The following EP300 variants were observed in gnomAD, a reference collection of about 807,000 sequenced individuals.
The protein encoded by EP300 is histone acetyltransferase p300.
A neutral mutation model predicts 264.0 loss-of-function variants in EP300; 31 were observed. The ratio of observed to expected loss-of-function variants is 0.12; its 90% CI spans 0.09 to 0.16. EP300 has a LOEUF of 0.16. EP300 is among the 10% of genes least tolerant of loss of function. EP300 has a pLI of 1.00. For missense variants in EP300, 2,766 were observed against 3,052.9 expected (o/e 0.91, Z 2.21); for synonymous variants, 1,340 against 1,045.4 (o/e 1.28, Z -5.44).
At chr22:41,148,982 T>C (rs1170806563) in intron 12 of EP300, 56 bp from the exon 13 acceptor site, 118 of 1,611,702 alleles carry the variant, frequency 7.3e-5, no homozygotes, top group East Asian at 3.6e-4. Flanking sequence ...ATTTTAGTTA[T>C]AGTAGAATAA....
At chr22:41,097,439 T>C (rs1229698287) in intron 1 of EP300, among the ~76,000 whole-genome samples, 2 of 150,884 alleles carry the variant, frequency 1.3e-5, no homozygotes, top group African/African-American at 2.5e-5. Context: ...TTCTCTCTCT[T>C]CTTTATTTAA....
chr22:41,167,451 A>G (rs1002076995), intron 23 of EP300, among the ~76,000 whole-genome samples: 12 of 151,692 alleles, frequency 7.9e-5, no homozygotes, highest in Admixed American at 7.9e-4. Context: ...TTACTGATCT[A>G]CAGATTATTT....
rs564142589 is a variant in EP300 at position 41,131,368 on chromosome 22, A to AT, written c.1283-19dup. On this transcript the variant is annotated intron_variant, in intron 5 of 30. Transcript: ENST00000263253. The stretch of plus-strand genomic sequence containing the variant: ...CTCACCAGCATTAATTTGTAATACT[A>AT]TATCTTTTGTCTTCTCTAGCAATTT... 3.0e-4 allele frequency: 477 copies of AT among 1,612,356 alleles called. No homozygotes were observed. The African/African-American group carries it at 5.7e-3, about 19-fold the overall frequency.
intron 1 of EP300, among the ~76,000 whole-genome samples, 186 bp from the exon 2 acceptor site, chr22:41,117,001 G>GT: frequency 6.6e-6 from 1 of 152,168 alleles, no homozygotes. Context: ...AGAGGTTACA[G>GT]TAAGCCAAGA....
intron 1 of EP300, among the ~76,000 whole-genome samples, chr22:41,114,236 C>T (rs1428461557): frequency 1.3e-5 from 2 of 152,072 alleles, no homozygotes; most frequent in African/African-American, 4.8e-5. Context: ...GGCTAGAGTG[C>T]AGTGGTACAT....
intron 2 of EP300, among the ~76,000 whole-genome samples, chr22:41,118,693 T>A (rs2058834697): frequency 6.6e-6 from 1 of 152,048 alleles, no homozygotes; most frequent in Non-Finnish European, 1.5e-5. Context: ...CAGTGGCTCA[T>A]GCCTGTAATC....
At chr22:41,093,855 G>C (rs1398925914) in intron 1 of EP300, among the ~76,000 whole-genome samples, 1 of 152,166 alleles carries the variant, frequency 6.6e-6, no homozygotes, top group Non-Finnish European at 1.5e-5. Flanking sequence ...CAATTTTGTG[G>C]AGTTACGTAC....
In EP300 at chr22:41,097,329, A is replaced by G. The variant is rs78802773; in HGVS notation, c.94+4231A>G. ...GTTCATCTTCTATAGCAGAGGTTGG[A>G]ATTGTATTGGCATGTCCAGTGAATG... On this transcript the variant is annotated intron_variant, in intron 1 of 30. Coordinates refer to ENST00000263253, the MANE Select transcript of EP300 (RefSeq NM_001429.4). 5.9e-3 allele frequency among the ~76,000 whole-genome samples: 901 copies of G among 152,266 alleles called. 2 individuals are homozygous for G. Among genetic ancestry groups the G allele is most frequent in the Non-Finnish European group, 8.4e-3 (573 of 68,028 alleles).
At chr22:41,137,617 TC>T in intron 7 of EP300, 35 bp from the exon 8 acceptor site, 1 of 1,614,042 alleles carries the variant, frequency 6.2e-7, no homozygotes, top group Non-Finnish European at 8.5e-7. Context: ...CTCCTACCTT[TC>T]TTCACTAAAA....
intron 1 of EP300, among the ~76,000 whole-genome samples, chr22:41,111,874 ACCTT>A (rs2058792643): frequency 2.0e-5 from 2 of 99,198 alleles, no homozygotes; most frequent in African/African-American, 7.6e-5. Context: ...AGAACTTGTA[ACCTT>A]TTTTTTTTTT....
intron 10 of EP300, 47 bp downstream of exon 10, chr22:41,141,269 AAT>A: frequency 6.3e-7 from 1 of 1,578,164 alleles, no homozygotes. Flanking sequence ...TTGATAATAA[AAT>A]AGTTTCTATC....
At chr22:41,120,602 C>G (rs2058846878) in intron 2 of EP300, among the ~76,000 whole-genome samples, 1 of 152,196 alleles carries the variant, frequency 6.6e-6, no homozygotes. Context: ...GACATTACTA[C>G]TACAGCTGTC....
At position 41,092,602 on chromosome 22, in the gene EP300, A is replaced by G. The variant is rs952862042; in HGVS notation, c.-403A>G. On this transcript the variant is annotated 5_prime_UTR_variant, in exon 1 of 31. Coordinates refer to ENST00000263253, the MANE Select transcript of EP300 (RefSeq NM_001429.4). ...CCTCCTTGTGGCGATGAGAAGGAGG[A>G]GGACAGCGCCGAGGAGGAAGAGGTT... The G allele has an allele frequency of 1.5e-5, 9 of 584,154 alleles. No homozygotes were observed. The highest frequency in any genetic ancestry group is 2.8e-5 in the East Asian group (1 of 35,558). The allele number at this position is 584,154 out of a possible 1,614,324, so 36.2% of individuals were successfully genotyped here. A position where few individuals can be genotyped will look rare whatever the true frequency, so the allele number is the denominator to read the frequency against.
chr22:41,161,413 C>T (rs1036359879), intron 20 of EP300, among the ~76,000 whole-genome samples: 2 of 152,096 alleles, frequency 1.3e-5, no homozygotes, highest in African/African-American at 4.8e-5. Flanking sequence ...GTCAGGAGAT[C>T]GAGACCATCC....
chr22:41,104,937 G>A (rs934208056), intron 1 of EP300, among the ~76,000 whole-genome samples: 2 of 151,920 alleles, frequency 1.3e-5, no homozygotes, highest in Admixed American at 6.6e-5. Flanking sequence ...GGCCAAGACG[G>A]GCAGATCACG....
In EP300 at chr22:41,152,018, A is replaced by C; in HGVS notation, c.2997+6A>C. On this transcript the variant is annotated splice_donor_region_variant and intron_variant, in intron 15 of 30. Coordinates refer to ENST00000263253, the MANE Select transcript of EP300 (RefSeq NM_001429.4). ...AGCCGGAGGATATTTCAGAGGTGAGAGTAGGGCAATTACTGTTTGATTTGG... is the reference window on the plus strand; with the variant it reads ...AGCCGGAGGATATTTCAGAGGTGAGCGTAGGGCAATTACTGTTTGATTTGG... 6.2e-7 allele frequency: 1 copy of C among 1,614,180 alleles called. No individual in the cohort carries two copies. The highest frequency in any genetic ancestry group is 8.5e-7 in the Non-Finnish European group (1 of 1,180,022).
intron 2 of EP300, among the ~76,000 whole-genome samples, chr22:41,125,364 C>T (rs6002265): frequency 1.3e-4 from 20 of 151,770 alleles, no homozygotes; most frequent in African/African-American, 3.6e-4. Flanking sequence ...ATGATCCTCC[C>T]GCTTCGGCCT....
At chr22:41,104,580 A>G (rs891634988) in intron 1 of EP300, among the ~76,000 whole-genome samples, 5 of 151,766 alleles carry the variant, frequency 3.3e-5, no homozygotes, top group African/African-American at 1.2e-4. Flanking sequence ...GTGAGCCACC[A>G]TGTCCGGCCT....
rs140154690 is a variant in EP300 at position 41,176,265 on chromosome 22, C to G, written c.4798C>G (p.Leu1600Val). 8.7e-4 allele frequency: 1,410 copies of G among 1,614,200 alleles called. 15 individuals carry two copies. The highest frequency in any genetic ancestry group is 3.0e-4 in the South Asian group (27 of 91,082). ...KHKEVFFVIR[L>V]IAGPAANSLP... The stretch of plus-strand genomic sequence containing the variant: ...TTTTCAGGTCTTCTTTGTGATCCGC[C>G]TCATTGCTGGCCCTGCTGCCAACTC... The change falls in exon 30 of 31, where the codon CTC becomes GTC. Residue 1600 changes from leucine to valine, a missense_variant. Transcript: ENST00000263253.
Sources: gnomAD v4.1 joint callset for allele counts (sites outside exome capture counted in the v4.1 genomes callset) on GRCh38, gnomAD v4.1.1 for gene constraint, MANE v1.5 for transcripts, NCBI Gene and HGNC (gene_info 2026-07-23, HGNC 2026-07-21) for gene names.